ARHGEF18: variants seen among roughly 807,000 people sequenced by gnomAD.
The protein encoded by ARHGEF18 is Rho/Rac guanine nucleotide exchange factor 18.
In ARHGEF18, 93 loss-of-function variants were observed where a neutral mutation model predicts 155.7. That is an observed-to-expected ratio of 0.60 (90% CI 0.50 to 0.71). ARHGEF18 has a LOEUF of 0.71. Among genes scored for constraint, ARHGEF18 ranks in the 30% least tolerant of loss-of-function variants. The pLI is 0.00. For missense variants in ARHGEF18, 1,593 were observed against 1,816.1 expected, an observed-to-expected ratio of 0.88 and a Z score of 2.23; for synonymous variants, 742 against 753.1, an observed-to-expected ratio of 0.99 and a Z score of 0.24.
intron 26 of ARHGEF18, 97 bp downstream of exon 26, chr19:7,467,781 G>C: frequency 8.1e-7 from 1 of 1,233,308 alleles, no homozygotes; most frequent in Non-Finnish European, 1.1e-6. Context: ...GCGGGTGCAT[G>C]CGTGCAGGAG....
chr19:7,468,132 A>G (rs1976776419), intron 26 of ARHGEF18, among the ~76,000 whole-genome samples: 1 of 151,766 alleles, frequency 6.6e-6, no homozygotes, highest in Admixed American at 6.6e-5. Context: ...GCCCGGGAGA[A>G]TGAGGCTGCC....
At chr19:7,356,417 G>C (rs1323181672) in intron 1 of ARHGEF18, among the ~76,000 whole-genome samples, 1 of 151,788 alleles carries the variant, frequency 6.6e-6, no homozygotes, top group African/African-American at 2.4e-5. Context: ...GGAATTACAG[G>C]TGCCCCCCAC....
chr19:7,462,262 G>A lies in ARHGEF18; in HGVS notation c.2563G>A (p.Gly855Ser). 6.2e-7 allele frequency: 1 copy of A among 1,613,732 alleles called. No individual in the cohort carries two copies. Among genetic ancestry groups the A allele is most frequent in the Non-Finnish European group, 8.5e-7 (1 of 1,179,944 alleles). The change falls in exon 21 of 29, where the codon GGC becomes AGC. Residue 855 changes from glycine to serine, a missense_variant. Coordinates refer to ENST00000668164, the MANE Select transcript of ARHGEF18 (RefSeq NM_001367823.1). This position sits in a 1 kb window ranked among gnomAD's most constrained non-coding sequence, Gnocchi z 4.4. ...CCTCGAAGACCTGCCCCAGCCCCGA[G>A]GCCTATTCCGTGGAGGGGACCCATC... ...GGLEDLPQPR[G>S]LFRGGDPSET... is the part of the protein sequence containing the mutation.
At chr19:7,403,566 T>C (rs1972134655) in intron 10 of ARHGEF18, among the ~76,000 whole-genome samples, 1 of 151,218 alleles carries the variant, frequency 6.6e-6, no homozygotes, top group South Asian at 2.1e-4. Flanking sequence ...TTTTTTTTTT[T>C]TGAGACGGTC....
At position 7,378,450 on chromosome 19, in the gene ARHGEF18, G is replaced by A. The variant is rs564128288; in HGVS notation, c.598G>A (p.Val200Met). Residue 200 changes from valine (V) to methionine (M), a missense_variant and splice_region_variant, in exon 6 of 29, where the codon GTG (valine) becomes ATG (methionine). By Grantham distance (21) the Val-to-Met change is conservative. Coordinates refer to ENST00000668164, the MANE Select transcript of ARHGEF18 (RefSeq NM_001367823.1). ...MEKDHVEPDH[V>M]LIVQQVLQEL... ...AAAAGACCATGTGGAACCAGATCAC[G>A]TGTGAGTTTCTGCCTCGTGGTGGGG... 4.5e-5 allele frequency: 55 copies of A among 1,234,364 alleles called. No individual in the cohort carries two copies. Among genetic ancestry groups the A allele is most frequent in the African/African-American group, 4.2e-4 (27 of 64,604 alleles). The allele number at this position is 1,234,364 out of a possible 1,614,324, so 76.5% of individuals were successfully genotyped here.
intron 26 of ARHGEF18, 117 bp from the exon 27 acceptor site, chr19:7,468,708 C>T: frequency 1.7e-6 from 2 of 1,174,574 alleles, no homozygotes; most frequent in Middle Eastern, 3.0e-4. Context: ...TCAGGCTGCA[C>T]CTGGCTCTGT....
intron 17 of ARHGEF18, among the ~76,000 whole-genome samples, chr19:7,455,381 G>A (rs1016466516): frequency 6.6e-5 from 10 of 152,236 alleles, no homozygotes; most frequent in Admixed American, 2.6e-4. Flanking sequence ...TAGCAAAAGC[G>A]TATCTGACTT....
At chr19:7,403,821 T>C (rs2145581015) in intron 10 of ARHGEF18, among the ~76,000 whole-genome samples, 1 of 151,498 alleles carries the variant, frequency 6.6e-6, no homozygotes, top group Non-Finnish European at 1.5e-5. Context: ...TCCCAGCACT[T>C]TGGGAGGCCA....
Position 7,436,053 on chromosome 19 carries a change from G to C in ARHGEF18, c.968-4291G>C, listed in dbSNP as rs913930295. The stretch of plus-strand genomic sequence containing the variant: ...AGATCTCACTGTGTTGCCCAGACTG[G>C]TCTCTAACCTGCTGTCCCTGGTCAT... On this transcript the variant is annotated intron_variant, in intron 10 of 28. Coordinates refer to ENST00000668164, the MANE Select transcript of ARHGEF18 (RefSeq NM_001367823.1). 7.2e-5 allele frequency among the ~76,000 whole-genome samples: 11 copies of C among 152,060 alleles called. 1 individual carries two copies.
At chr19:7,354,192 G>A (rs1395048319) in intron 1 of ARHGEF18, among the ~76,000 whole-genome samples, 1 of 151,970 alleles carries the variant, frequency 6.6e-6, no homozygotes, top group Non-Finnish European at 1.5e-5. Flanking sequence ...TAGCATGCAT[G>A]TACATTCCCA....
intron 10 of ARHGEF18, among the ~76,000 whole-genome samples, chr19:7,392,874 C>T (rs992679677): frequency 4.6e-5 from 7 of 150,868 alleles, no homozygotes; most frequent in Non-Finnish European, 7.4e-5. Flanking sequence ...GGCAACATGG[C>T]GAAACTCTGT....
intron 3 of ARHGEF18, among the ~76,000 whole-genome samples, chr19:7,373,459 G>GTTTTTTTTTTTTTTTTTTTTTTTTT (rs1352283681): frequency 8.8e-6 from 1 of 113,628 alleles, no homozygotes; most frequent in African/African-American, 4.9e-5. Flanking sequence ...TTGTTTTTGT[G>GTTTTTTTTTTTTTTTTTTTTTTTTT]TTTGTTTTTT....
rs372193114 is a variant in ARHGEF18 at position 7,463,993 on chromosome 19, C to T, written c.2773+38C>T. ...CCGTCTCCCCTCCTGCCTCCAGGGC[C>T]GCCCCTCAGGATGCACATTAACTTG... is the stretch of plus-strand genomic sequence containing the variant. On this transcript the variant is annotated intron_variant, in intron 22 of 28. Transcript: ENST00000668164. The surrounding 1 kb of genome is among the most constrained non-coding windows in gnomAD (Gnocchi z 5.2). The T allele has an allele frequency of 7.8e-6, 12 of 1,538,122 alleles. No homozygotes were observed. Among genetic ancestry groups the T allele is most frequent in the African/African-American group, 2.8e-5 (2 of 72,476 alleles).
Position 7,447,105 on chromosome 19 carries a change from TG to T in ARHGEF18, c.1675del (p.Glu559LysfsTer19), listed in dbSNP as rs1975047181. On this transcript the variant is annotated frameshift_variant, in exon 15 of 29. Transcript: ENST00000668164. LOFTEE classifies it high-confidence loss of function. ...ACGGTGTGTTTTGTAGTGGCCACAATGAAGCTGTTAGTCATTACAAGTTGCT... is the reference window on the plus strand; with the variant it reads ...ACGGTGTGTTTTGTAGTGGCCACAATAAGCTGTTAGTCATTACAAGTTGCT... ...KYGVFCSGHNEAVSHYKLLLQ... is the reference protein window; with the variant it reads ...KYGVFCSGHNXAVSHYKLLLQ... The T allele has an allele frequency of 3.1e-6, 5 of 1,613,868 alleles. No individual in the cohort carries two copies. Among genetic ancestry groups the T allele is most frequent in the Non-Finnish European group, 4.2e-6 (5 of 1,179,964 alleles).
intron 3 of ARHGEF18, 146 bp from the exon 4 acceptor site, chr19:7,375,574 G>A (rs1970422925): frequency 1.4e-6 from 1 of 727,024 alleles, no homozygotes. Flanking sequence ...ATATTGGGAG[G>A]TCTGGACCCC....
intron 10 of ARHGEF18, among the ~76,000 whole-genome samples, chr19:7,383,945 C>T (rs1600245265): frequency 6.6e-6 from 1 of 152,008 alleles, no homozygotes; most frequent in African/African-American, 2.4e-5. Context: ...GAAAAAGTAC[C>T]AGATTCAAGA....
At chr19:7,389,122 A>C (rs1298820960) in intron 10 of ARHGEF18, among the ~76,000 whole-genome samples, 1 of 148,266 alleles carries the variant, frequency 6.7e-6, no homozygotes, top group Non-Finnish European at 1.5e-5. Context: ...AGTAGCAGGG[A>C]CTACAGTCTC....
At chr19:7,409,358 C>T (rs777042408) in intron 10 of ARHGEF18, among the ~76,000 whole-genome samples, 1 of 140,626 alleles carries the variant, frequency 7.1e-6, no homozygotes, top group Non-Finnish European at 1.5e-5. Context: ...GACTTAATGG[C>T]AGTCCCAGTC....
chr19:7,362,754 G>A, intron 1 of ARHGEF18, 27 bp from the exon 2 acceptor site: 10 of 1,233,144 alleles, frequency 8.1e-6, no homozygotes, highest in Non-Finnish European at 1.0e-5. Context: ...GCTTATCCCT[G>A]ACACCTTGTC....
Sources: gnomAD v4.1 joint callset for allele counts (sites outside exome capture counted in the v4.1 genomes callset) on GRCh38, gnomAD v4.1.1 for gene constraint, Gnocchi (gnomAD v3.1) non-coding constraint, MANE v1.5 for transcripts, NCBI Gene and HGNC (gene_info 2026-07-23, HGNC 2026-07-21) for gene names.